Variants in MSI2 observed in about 807,000 individuals in gnomAD.
MSI2 encodes the protein musashi RNA binding protein 2.
A neutral mutation model predicts 45.6 loss-of-function variants in MSI2; 17 were observed. The observed-to-expected ratio is 0.37, with a 90% CI of 0.26 to 0.56. The LOEUF (loss-of-function observed/expected upper bound fraction) is 0.56. Ranked by LOEUF, MSI2 falls within the 20% of genes least tolerant of loss-of-function variation. MSI2 has a pLI of 0.77. For synonymous variants in MSI2, 156 were observed against 158.2 expected, an observed-to-expected ratio of 0.99 and a Z score of 0.11; for missense variants, 293 against 444.2, an observed-to-expected ratio of 0.66 and a Z score of 3.06.
At chr17:57,687,245 G>T (rs1031776002), downstream of MSI2, among the ~76,000 whole-genome samples, 1 of 151,558 alleles carries the variant, frequency 6.6e-6, no homozygotes, top group Non-Finnish European at 1.5e-5. Context: ...TGGGGGAGGT[G>T]AAGGAATATA....
At chr17:57,477,307 A>C (rs1033959215) in intron 6 of MSI2, among the ~76,000 whole-genome samples, 1 of 152,072 alleles carries the variant, frequency 6.6e-6, no homozygotes, top group East Asian at 1.9e-4. Flanking sequence ...TTCTCGTGAC[A>C]CAATTGCCTG....
chr17:57,624,237 A>G (rs149773100), intron 9 of MSI2, among the ~76,000 whole-genome samples: 23 of 152,306 alleles, frequency 1.5e-4, no homozygotes, highest in African/African-American at 5.3e-4. Flanking sequence ...TAAAATATTT[A>G]AGACCCCCAG....
intron 7 of MSI2, among the ~76,000 whole-genome samples, chr17:57,530,676 G>A (rs534255583): frequency 2.6e-5 from 4 of 152,254 alleles, no homozygotes; most frequent in African/African-American, 7.2e-5. Context: ...CACTTGGATC[G>A]CATTTAGATG....
At position 57,481,347 on chromosome 17, in the gene MSI2, C is replaced by T. The variant is rs531423338; in HGVS notation, c.406-48329C>T. ...CAAATAAATAAGTCAGCAAATAAGT[C>T]TGCTTTCATTGTATTGTCTTCTCCA... On this transcript the variant is annotated intron_variant, in intron 6 of 13. Coordinates refer to ENST00000284073, the MANE Select transcript of MSI2 (RefSeq NM_138962.4). Among the ~76,000 whole-genome samples the T allele has an allele frequency of 9.2e-5, 14 of 152,308 alleles. 1 individual carries two copies. The South Asian group carries it at 2.9e-3, about 32-fold the overall frequency.
At chr17:57,310,127 G>A (rs1912259956) in intron 5 of MSI2, among the ~76,000 whole-genome samples, 1 of 152,222 alleles carries the variant, frequency 6.6e-6, no homozygotes, top group African/African-American at 2.4e-5. Context: ...TTCCGGCCCA[G>A]CAGGCCTGCC....
intron 5 of MSI2, among the ~76,000 whole-genome samples, chr17:57,287,696 G>C (rs1193747674): frequency 6.6e-6 from 1 of 152,172 alleles, no homozygotes; most frequent in Non-Finnish European, 1.5e-5. Flanking sequence ...TGAAACCTTC[G>C]CAAACTGCAC....
intron 6 of MSI2, among the ~76,000 whole-genome samples, chr17:57,513,958 C>G (rs1459981987): frequency 6.6e-6 from 1 of 152,270 alleles, no homozygotes; most frequent in East Asian, 1.9e-4. Flanking sequence ...CATGGGGCAT[C>G]ATTATTGGTA....
At chr17:57,550,093 T>G (rs1567893455) in intron 7 of MSI2, among the ~76,000 whole-genome samples, 2 of 152,222 alleles carry the variant, frequency 1.3e-5, no homozygotes, top group Admixed American at 6.5e-5. Flanking sequence ...TGTCAGTGAA[T>G]GCGGTCTTTT....
At chr17:57,560,682 G>A (rs145509869) in intron 7 of MSI2, among the ~76,000 whole-genome samples, 25 of 152,284 alleles carry the variant, frequency 1.6e-4, no homozygotes, top group Admixed American at 8.5e-4. Context: ...TATTACTGAT[G>A]TTGCTGTTTC....
chr17:57,596,168 G>A lies in MSI2; in HGVS notation c.455-700G>A, dbSNP rs1421924573. Among the ~76,000 whole-genome samples, 1 of 152,208 alleles carries A rather than the reference G, an allele frequency of 6.6e-6. No individual in the cohort carries two copies. The highest frequency in any genetic ancestry group is 1.9e-4 in the East Asian group (1 of 5,192). On this transcript the variant is annotated intron_variant, in intron 7 of 13. Coordinates refer to ENST00000284073, the MANE Select transcript of MSI2 (RefSeq NM_138962.4). This position sits in a 1 kb window ranked among gnomAD's most constrained non-coding sequence, Gnocchi z 4.6. ...GCAGGAGGGTAGGAGAGGAACTGAG[G>A]ATACTGAGCAGCAGTCGCCTGCCAA...
In MSI2 at chr17:57,490,971, A is replaced by G. The variant is rs1398163532; in HGVS notation, c.406-38705A>G. 2.0e-5 allele frequency among the ~76,000 whole-genome samples: 3 copies of G among 152,296 alleles called. No individual in the cohort carries two copies. The East Asian group carries it at 5.8e-4, about 29-fold the overall frequency. On this transcript the variant is annotated intron_variant, in intron 6 of 13. Coordinates refer to ENST00000284073, the MANE Select transcript of MSI2 (RefSeq NM_138962.4). ...AGAATGGCTCAGACTCCTTGGAGCC[A>G]AGGGGCACGCTGGCGGTTTCTGCCA...
At chr17:57,577,623 G>T (rs1245580726) in intron 7 of MSI2, among the ~76,000 whole-genome samples, 1 of 152,198 alleles carries the variant, frequency 6.6e-6, no homozygotes, top group Non-Finnish European at 1.5e-5. Flanking sequence ...GAGGTAGTAG[G>T]AAGAGCCCCC....
intron 8 of MSI2, 100 bp downstream of exon 8, chr17:57,597,050 C>A: frequency 3.5e-6 from 3 of 867,102 alleles, no homozygotes; most frequent in Non-Finnish European, 5.7e-6. Context: ...CTGGAGTGGG[C>A]AGGGGTGGGG....
At chr17:57,384,742 A>G (rs2083655396) in intron 5 of MSI2, among the ~76,000 whole-genome samples, 2 of 152,074 alleles carry the variant, frequency 1.3e-5, no homozygotes, top group Non-Finnish European at 2.9e-5. Flanking sequence ...ACTCTACCCC[A>G]TCATCACATC....
rs946556163 is a variant in MSI2, at chr17:57,596,053, A to C, written c.455-815A>C. 2.0e-5 allele frequency among the ~76,000 whole-genome samples: 3 copies of C among 152,196 alleles called. No individual in the cohort carries two copies. Among genetic ancestry groups the C allele is most frequent in the Non-Finnish European group, 4.4e-5 (3 of 68,034 alleles). ...GGAGGGTGCAACCCTGCATGGGGCC[A>C]TGTGGTAAAGCAGCACTTACTGAGT... On this transcript the variant is annotated intron_variant, in intron 7 of 13. Transcript: ENST00000284073. This position sits in a 1 kb window ranked among gnomAD's most constrained non-coding sequence, Gnocchi z 4.6.
At chr17:57,616,281 A>G (rs1042480578) in intron 9 of MSI2, 197 bp downstream of exon 9, 29 of 480,002 alleles carry the variant, frequency 6.0e-5, no homozygotes, top group African/African-American at 3.9e-4. Flanking sequence ...GTGTGCATGC[A>G]TGTGTGTGTG....
intron 6 of MSI2, among the ~76,000 whole-genome samples, chr17:57,515,751 T>G (rs1027722211): frequency 1.3e-5 from 2 of 152,100 alleles, no homozygotes; most frequent in South Asian, 4.1e-4. Flanking sequence ...AAGAAACAGA[T>G]AAGGGATAGA....
intron 7 of MSI2, among the ~76,000 whole-genome samples, chr17:57,592,832 C>T (rs1456798836): frequency 6.6e-6 from 1 of 152,164 alleles, no homozygotes; most frequent in East Asian, 1.9e-4. Flanking sequence ...TTCTTCCCAT[C>T]TCAGAGTGGG....
At chr17:57,518,306 A>G (rs1020895396) in intron 6 of MSI2, among the ~76,000 whole-genome samples, 2 of 152,182 alleles carry the variant, frequency 1.3e-5, no homozygotes, top group Non-Finnish European at 2.9e-5. Flanking sequence ...CAAGCCTACA[A>G]AACTCCTTTC....
Sources: allele counts gnomAD v4.1 joint callset (sites outside exome capture counted in the v4.1 genomes callset), GRCh38; gene constraint gnomAD v4.1.1; non-coding constraint Gnocchi (gnomAD v3.1); transcripts MANE v1.5; gene names NCBI Gene and HGNC (gene_info 2026-07-23, HGNC 2026-07-21).